Variants in CECR2 observed in about 807,000 individuals in gnomAD.
The protein encoded by CECR2 is chromatin remodeling regulator CECR2.
In CECR2, 30 loss-of-function variants were observed where a neutral mutation model predicts 154.5. The ratio of observed to expected loss-of-function variants is 0.19; its 90% CI spans 0.15 to 0.26. CECR2 has a LOEUF of 0.26. Ranked by LOEUF, CECR2 falls within the 10% of genes least tolerant of loss-of-function variation. The pLI is 1.00. For missense variants in CECR2, 1,743 were observed against 1,829.3 expected (o/e 0.95, Z 0.86); for synonymous variants, 725 against 683.7 (o/e 1.06, Z -0.94).
chr22:17,466,598 C>CCTTTTTTTTTTTTTTTTTTTTTTTTT (rs555359003), intron 1 of CECR2, among the ~76,000 whole-genome samples: 1 of 140,182 alleles, frequency 7.1e-6, no homozygotes. Context: ...AAAACCTTGC[C>CCTTTTTTTTTTTTTTTTTTTTTTTTT]TTTTTTTTTT....
At position 17,477,621 on chromosome 22, in the gene CECR2, G is replaced by C. The variant is rs1237152097; in HGVS notation, c.160G>C (p.Glu54Gln). ...AGCCGCTCTTCACAGAGATGACGTG[G>C]AGTTTATCAGTGACCTGATTGCCTG... ...LEAALHRDDV[E>Q]FISDLIACLL... Residue 54 changes from glutamate (E) to glutamine (Q), a missense_variant, in exon 2 of 19, where the codon GAG (glutamate) becomes CAG (glutamine). By Grantham distance (29) the Glu-to-Gln change is conservative. Coordinates refer to ENST00000262608, the MANE Select transcript of CECR2 (RefSeq NM_001290047.2). 4.3e-5 allele frequency: 69 copies of C among 1,613,490 alleles called. No individual in the cohort carries two copies. The highest frequency in any genetic ancestry group is 5.5e-5 in the Non-Finnish European group (65 of 1,179,618).
At position 17,499,464 on chromosome 22, in the gene CECR2, G is replaced by A; in HGVS notation, c.460G>A (p.Ala154Thr). ...VEPLGEDNSG[A>T]LYWYFYGTRM... is the part of the protein sequence containing the mutation. ...GCCATTGGGTGAAGACAATTCTGGGGCACTATATTGGTATTTCTATGGAAC... is the reference window on the plus strand; with the variant it reads ...GCCATTGGGTGAAGACAATTCTGGGACACTATATTGGTATTTCTATGGAAC... Residue 154 changes from alanine (A) to threonine (T), a missense_variant, in exon 4 of 19, where the codon GCA (alanine) becomes ACA (threonine). By Grantham distance (58) the Ala-to-Thr change is moderately conservative. Transcript: ENST00000262608. The A allele has an allele frequency of 6.2e-7, 1 of 1,613,874 alleles. No individual in the cohort carries two copies. The highest frequency in any genetic ancestry group is 8.5e-7 in the Non-Finnish European group (1 of 1,179,816).
chr22:17,411,423 A>G (rs563125348), intron 1 of CECR2, among the ~76,000 whole-genome samples: 61 of 152,332 alleles, frequency 4.0e-4, no homozygotes, highest in African/African-American at 1.4e-3. Context: ...ATCCAGTGTG[A>G]AAGATCCATC....
rs150282049 is a variant in CECR2 at position 17,543,281 on chromosome 22, C to T, written c.2860+278C>T. 3.7e-4 allele frequency among the ~76,000 whole-genome samples: 56 copies of T among 152,008 alleles called. No individual in the cohort carries two copies. In the East Asian group the frequency reaches 0.01, roughly 27 times the overall value. On this transcript the variant is annotated intron_variant, in intron 16 of 18. Transcript: ENST00000262608. ...CCGAGTGTCTGGGACTACAGGCACC[C>T]GCCACCACGCCCGGCTAATTTTTTT...
At chr22:17,486,051 CT>C in intron 2 of CECR2, among the ~76,000 whole-genome samples, 1 of 152,306 alleles carries the variant, frequency 6.6e-6, no homozygotes. Flanking sequence ...GCAGTCATAG[CT>C]GACTGCAGCC....
intron 1 of CECR2, among the ~76,000 whole-genome samples, chr22:17,384,122 C>T (rs1339724227): frequency 6.6e-6 from 1 of 152,210 alleles, no homozygotes; most frequent in Non-Finnish European, 1.5e-5. Context: ...TGGACCTCCT[C>T]CCATGAATTA....
Position 17,542,521 on chromosome 22 carries a change from A to G in CECR2, c.2378A>G (p.His793Arg), listed in dbSNP as rs2056543200. 2 of 1,613,856 alleles carry G rather than the reference A, an allele frequency of 1.2e-6. No homozygotes were observed. The highest frequency in any genetic ancestry group is 1.7e-6 in the Non-Finnish European group (2 of 1,179,878). ...CCCTTGGGCCCAGATGAGAAGCCCC[A>G]CCTGGGGCCAGGACCCTCTCACCAG... Reference protein sequence around the residue: ...QGPLGPDEKPHLGPGPSHQPR... With the variant: ...QGPLGPDEKPRLGPGPSHQPR... Residue 793 changes from histidine to arginine, a missense_variant, in exon 16 of 19, where the codon CAC becomes CGC. By Grantham distance (29) the His-to-Arg change is conservative. Around this residue, in one of 4 missense-constraint regions of CECR2, gnomAD observed 1,250 missense variants for 1,192.1 expected, o/e 1.05. Coordinates refer to ENST00000262608, the MANE Select transcript of CECR2 (RefSeq NM_001290047.2).
chr22:17,426,492 G>A (rs1043006013), intron 1 of CECR2, among the ~76,000 whole-genome samples: 8 of 152,068 alleles, frequency 5.3e-5, no homozygotes, highest in South Asian at 4.1e-4. Context: ...AAGTAGCTGC[G>A]ACTGCAGGCA....
intron 1 of CECR2, among the ~76,000 whole-genome samples, chr22:17,403,783 A>G (rs1157826630): frequency 6.6e-6 from 1 of 152,078 alleles, no homozygotes. Context: ...GCTTTTTCCT[A>G]ATCTAAGGTC....
rs1219889810 is a variant in CECR2, at chr22:17,542,619, C to T, written c.2476C>T (p.Gln826Ter). ...PPVPPNQWTE[Q>*]SGFLPHGVPS... ...TGTCCCCCCCAACCAGTGGACTGAACAATCAGGCTTCCTACCTCATGGAGT... is the reference window on the plus strand; with the variant it reads ...TGTCCCCCCCAACCAGTGGACTGAATAATCAGGCTTCCTACCTCATGGAGT... The change falls in exon 16 of 19, where the codon CAA becomes TAA. Residue 826 changes from glutamine to a stop codon, truncating the protein, a stop_gained. Transcript: ENST00000262608. LOFTEE classifies it high-confidence loss of function. The T allele has an allele frequency of 6.2e-7, 1 of 1,614,018 alleles. No homozygotes were observed. Among genetic ancestry groups the T allele is most frequent in the Admixed American group, 1.7e-5 (1 of 60,018 alleles).
intron 8 of CECR2, among the ~76,000 whole-genome samples, chr22:17,523,530 G>T (rs1020722991): frequency 6.6e-6 from 1 of 151,900 alleles, no homozygotes; most frequent in Non-Finnish European, 1.5e-5. Context: ...GCTGAGGCAG[G>T]TGGATCACGT....
intron 9 of CECR2, among the ~76,000 whole-genome samples, chr22:17,531,021 C>A (rs2056346463): frequency 6.6e-6 from 1 of 152,120 alleles, no homozygotes; most frequent in African/African-American, 2.4e-5. Context: ...CTTAATGCTA[C>A]TGAATTGTAT....
intron 1 of CECR2, among the ~76,000 whole-genome samples, chr22:17,406,050 T>C (rs1197760610): frequency 6.6e-6 from 1 of 152,228 alleles, no homozygotes; most frequent in Admixed American, 6.5e-5. Context: ...GTGTGAAGAA[T>C]ATTAGTTTTC....
At chr22:17,383,012 G>T (rs973361918) in intron 1 of CECR2, among the ~76,000 whole-genome samples, 1 of 152,164 alleles carries the variant, frequency 6.6e-6, no homozygotes, top group African/African-American at 2.4e-5. Context: ...TGGATCATGA[G>T]GTCAGGAGTT....
At position 17,468,401 on chromosome 22, in the gene CECR2, C is replaced by T. The variant is rs550806833; in HGVS notation, c.127-9187C>T. On this transcript the variant is annotated intron_variant, in intron 1 of 18. Transcript: ENST00000262608. ...GGTTTAAGATGTTAACTATATTGCC[C>T]AGGTGTGGTGGCTCACGCCTGTAAT... 6.8e-4 allele frequency among the ~76,000 whole-genome samples: 104 copies of T among 152,222 alleles called. 1 individual carries two copies. The highest frequency in any genetic ancestry group is 2.4e-3 in the African/African-American group (100 of 41,548).
chr22:17,484,510 T>A (rs529060674), intron 2 of CECR2, among the ~76,000 whole-genome samples: 31 of 152,252 alleles, frequency 2.0e-4, no homozygotes, highest in Non-Finnish European at 4.0e-4. Flanking sequence ...AAGACTGTTT[T>A]TCTGTTGTTG....
intron 1 of CECR2, among the ~76,000 whole-genome samples, chr22:17,395,965 C>T (rs777562723): frequency 1.4e-4 from 22 of 151,986 alleles, no homozygotes; most frequent in Admixed American, 2.6e-4. Flanking sequence ...TGAGACCAGG[C>T]GTTTTGGCTC....
intron 1 of CECR2, among the ~76,000 whole-genome samples, chr22:17,380,764 A>G (rs1277082410): frequency 5.9e-5 from 9 of 152,236 alleles, no homozygotes; most frequent in South Asian, 2.1e-4. Flanking sequence ...ATAATTCCTG[A>G]GAATGGATAA....
chr22:17,441,334 T>C (rs2054582380), intron 1 of CECR2, among the ~76,000 whole-genome samples: 1 of 152,168 alleles, frequency 6.6e-6, no homozygotes, highest in Admixed American at 6.5e-5. Context: ...GATAGATCTT[T>C]CCTGCTGCCA....
Sources: allele counts gnomAD v4.1 joint callset (sites outside exome capture counted in the v4.1 genomes callset), GRCh38; gene constraint gnomAD v4.1.1; regional missense constraint gnomAD v4.1.1; transcripts MANE v1.5; gene names NCBI Gene and HGNC (gene_info 2026-07-23, HGNC 2026-07-21).